The following AATK variants were observed in gnomAD, a reference collection of about 807,000 sequenced individuals.
The protein encoded by AATK is lemur tail kinase 1, also known as serine/threonine-protein kinase LMTK1.
Under a neutral mutation model 114.3 loss-of-function variants are expected in AATK, and 91 were observed. The ratio of observed to expected loss-of-function variants is 0.80; its 90% CI spans 0.67 to 0.95. The LOEUF is 0.95. AATK is among the 40% of genes least tolerant of loss of function. The pLI is 0.00. For synonymous variants in AATK, 1,075 were observed against 916.5 expected (o/e 1.17, Z -3.12); for missense variants, 2,176 against 1,965.2 (o/e 1.11, Z -2.03).
At position 81,122,772 on chromosome 17, in the gene AATK, G is replaced by T; in HGVS notation, c.1164C>A (p.Ala388=). ...CWLQPEQRPT[A]EEVHLLLSYL... is the part of the protein sequence containing the mutation. ...AGGACAGCAGCAGGTGCACCTCCTC[G>T]GCTGTGGGCCGCTGCTCGGGCTGCA... The change falls in exon 11 of 14, where the codon GCC becomes GCA. Residue 388 remains alanine (A), a synonymous_variant. Coordinates refer to ENST00000326724, the MANE Select transcript of AATK (RefSeq NM_001080395.3). The T allele has an allele frequency of 6.3e-7, 1 of 1,594,028 alleles. No individual in the cohort carries two copies. The highest frequency in any genetic ancestry group is 8.5e-7 in the Non-Finnish European group (1 of 1,172,004).
chr17:81,119,693 C>T, intron 12 of AATK, 113 bp from the exon 13 acceptor site: 1 of 798,260 alleles, frequency 1.3e-6, no homozygotes, highest in Non-Finnish European at 1.7e-6. Context: ...GGGCCCAGGC[C>T]CCGCCTCCCA....
chr17:81,129,720 C>A (rs905231989), intron 3 of AATK, among the ~76,000 whole-genome samples: 4 of 152,178 alleles, frequency 2.6e-5, no homozygotes, highest in African/African-American at 9.7e-5. Flanking sequence ...CAGGCACACA[C>A]CTGCCCCTGG....
intron 13 of AATK, among the ~76,000 whole-genome samples, 171 bp downstream of exon 13, chr17:81,119,209 G>GGA (rs1568215726): frequency 0.047 from 6,356 of 136,606 alleles, 264 homozygotes; most frequent in East Asian, 0.068. Flanking sequence ...GCGAGGGCCA[G>GGA]GCGGGGTCCA....
At chr17:81,128,363 A>T in intron 4 of AATK, 107 bp downstream of exon 4, 1 of 1,365,550 alleles carries the variant, frequency 7.3e-7, no homozygotes, top group East Asian at 2.5e-5. Flanking sequence ...CAGAGACTGA[A>T]GAAGGGACCG....
At position 81,134,502 on chromosome 17, in the gene AATK, C is replaced by T; in HGVS notation, c.56-1G>A. 1 of 1,611,076 alleles carries T rather than the reference C, an allele frequency of 6.2e-7. No homozygotes were observed. Among genetic ancestry groups the T allele is most frequent in the Non-Finnish European group, 8.5e-7 (1 of 1,179,094 alleles). ...GACAGCTCGCTGAGCGGGGCGCCGT[C>T]TGCGGGAGAGCAGTGTGGTGAGAGT... is the stretch of plus-strand genomic sequence containing the variant. On this transcript the variant is annotated splice_acceptor_variant, in intron 1 of 13. Transcript: ENST00000326724. LOFTEE classifies it high-confidence loss of function.
chr17:81,136,609 T>A (rs2061013701), intron 1 of AATK, among the ~76,000 whole-genome samples: 1 of 152,140 alleles, frequency 6.6e-6, no homozygotes, highest in Admixed American at 6.5e-5. Context: ...CTGCTGTGAG[T>A]TCCCCCTCCC....
chr17:81,121,584 C>T lies in AATK; in HGVS notation c.2352G>A (p.Thr784=), dbSNP rs761563204. The change falls in exon 11 of 14, where the codon ACG becomes ACA. Residue 784 remains threonine, a synonymous_variant. Coordinates refer to ENST00000326724, the MANE Select transcript of AATK (RefSeq NM_001080395.3). ...GGGGTCCGGTAGTGCCCTCAGCCTCCGTGGCAAGCTTGGGCTCTGCCTGCG... is the reference window on the plus strand; with the variant it reads ...GGGGTCCGGTAGTGCCCTCAGCCTCTGTGGCAAGCTTGGGCTCTGCCTGCG... The part of the protein sequence containing the change: ...DHPQAEPKLA[T]EAEGTTGPRL... 41 of 1,507,428 alleles carry T rather than the reference C, an allele frequency of 2.7e-5. No individual in the cohort carries two copies. The highest frequency in any genetic ancestry group is 1.8e-4 in the Middle Eastern group (1 of 5,584). 93.4% of individuals were successfully genotyped at this position (1,507,428 alleles called of 1,614,324 possible).
intron 6 of AATK, 21 bp downstream of exon 6, chr17:81,127,562 T>C (rs1598922394): frequency 6.3e-7 from 1 of 1,578,314 alleles, no homozygotes; most frequent in Non-Finnish European, 8.6e-7. Context: ...GACCCCAGCA[T>C]CCCCCCGGGC....
chr17:81,127,459 C>T (rs1201586459), intron 6 of AATK, 124 bp downstream of exon 6: 1 of 944,716 alleles, frequency 1.1e-6, no homozygotes, highest in Non-Finnish European at 1.7e-6. Flanking sequence ...GGGGCAGGGT[C>T]CCTGGGTCTT....
chr17:81,154,430 C>G (rs927389982), intron 1 of AATK, among the ~76,000 whole-genome samples: 4 of 148,554 alleles, frequency 2.7e-5, no homozygotes, highest in Non-Finnish European at 5.9e-5. Flanking sequence ...AAGCAATTCT[C>G]CTGCCTTAGC....
chr17:81,122,282 GGGCGCAGCC>G lies in AATK; in HGVS notation c.1645_1653del (p.Gly549_Ala551del), dbSNP rs1299312265. ...TGGTCCGCGGTGGCAGGTGGACTGG[GGGCGCAGCC>G]GGCGCAGTCAGGGTCGTGGCCGGCG... On this transcript the variant is annotated inframe_deletion, in exon 11 of 14. Coordinates refer to ENST00000326724, the MANE Select transcript of AATK (RefSeq NM_001080395.3). The G allele has an allele frequency of 1.1e-5, 16 of 1,500,244 alleles. No homozygotes were observed. Among genetic ancestry groups the G allele is most frequent in the Non-Finnish European group, 1.4e-5 (16 of 1,131,910 alleles). The allele number at this position is 1,500,244 out of a possible 1,614,324, so 92.9% of individuals were successfully genotyped here.
chr17:81,135,311 G>T (rs2060993508), intron 1 of AATK, among the ~76,000 whole-genome samples: 1 of 152,178 alleles, frequency 6.6e-6, no homozygotes, highest in South Asian at 2.1e-4. Flanking sequence ...GGATGGCATG[G>T]TGGGGGCCAG....
chr17:81,131,012 C>T, intron 3 of AATK, 49 bp downstream of exon 3: 3 of 1,532,036 alleles, frequency 2.0e-6, no homozygotes, highest in Non-Finnish European at 1.8e-6. Context: ...CAACGCCCAG[C>T]ACCTGGGCCC....
intron 1 of AATK, chr17:81,160,325 C>G: frequency 1.1e-6 from 1 of 912,412 alleles, no homozygotes; most frequent in Non-Finnish European, 1.3e-6. Flanking sequence ...CCCAGCCCCA[C>G]CCAAGGCCGC....
intron 1 of AATK, among the ~76,000 whole-genome samples, chr17:81,152,954 C>A (rs528344958): frequency 6.6e-6 from 1 of 151,616 alleles, no homozygotes; most frequent in Non-Finnish European, 1.5e-5. Flanking sequence ...ATGATTCTCT[C>A]GCCTCAGTCT....
At chr17:81,139,060 A>G (rs1474897303) in intron 1 of AATK, among the ~76,000 whole-genome samples, 1 of 152,206 alleles carries the variant, frequency 6.6e-6, no homozygotes, top group African/African-American at 2.4e-5. Context: ...CCGCACATGC[A>G]AACATGCACA....
Position 81,122,161 on chromosome 17 carries a change from T to C in AATK, c.1775A>G (p.Asp592Gly). 6.6e-7 allele frequency: 1 copy of C among 1,517,370 alleles called. No individual in the cohort carries two copies. Among genetic ancestry groups the C allele is most frequent in the East Asian group, 2.5e-5 (1 of 40,622 alleles). 94.0% of individuals were successfully genotyped at this position (1,517,370 alleles called of 1,614,324 possible). ...CGCCAAGCTTCTGCGAGGGTAGTGG[T>C]CGCCGCGGCCCCAGGGGACGTCGAC... ...PPVDVPWGRG[D>G]HYPRRSLARD... The change falls in exon 11 of 14, where the codon GAC becomes GGC. Residue 592 changes from aspartate (D) to glycine (G), a missense_variant. By Grantham distance (94) the Asp-to-Gly change is moderately conservative. Coordinates refer to ENST00000326724, the MANE Select transcript of AATK (RefSeq NM_001080395.3).
intron 2 of AATK, among the ~76,000 whole-genome samples, chr17:81,133,982 C>G (rs891606719): frequency 1.3e-5 from 2 of 152,164 alleles, no homozygotes; most frequent in Non-Finnish European, 2.9e-5. Context: ...GTGAGAGCCC[C>G]TTGCAGAGGC....
chr17:81,141,233 T>C (rs112503039), intron 1 of AATK, among the ~76,000 whole-genome samples: 6,703 of 152,248 alleles, frequency 0.044, 160 homozygotes, highest in African/African-American at 0.057. Context: ...ATGGACCACC[T>C]GAGGTTAGGA....
Sources: gnomAD v4.1 joint callset for allele counts (sites outside exome capture counted in the v4.1 genomes callset) on GRCh38, gnomAD v4.1.1 for gene constraint, MANE v1.5 for transcripts, NCBI Gene and HGNC (gene_info 2026-07-23, HGNC 2026-07-21) for gene names.